Variants in DCLRE1C observed in about 807,000 individuals in gnomAD.
DCLRE1C encodes the protein protein artemis.
Under a neutral mutation model 61.4 loss-of-function variants are expected in DCLRE1C, and 47 were observed. The ratio of observed to expected loss-of-function variants is 0.77; its 90% CI spans 0.61 to 0.98. The LOEUF (loss-of-function observed/expected upper bound fraction) is 0.98, where lower values mean the gene tolerates loss of function less well. DCLRE1C is among the 50% of genes least tolerant of loss of function. The probability of loss-of-function intolerance (pLI) is 0.00; values close to 1 mark genes in which losing one functional copy is unlikely to be tolerated. For synonymous variants in DCLRE1C, 337 were observed against 287.6 expected (o/e 1.17, Z -1.74); for missense variants, 858 against 816.0 (o/e 1.05, Z -0.63).
At chr10:14,946,389 CCACA>C (rs1357146837) in intron 2 of DCLRE1C, among the ~76,000 whole-genome samples, 10 of 152,122 alleles carry the variant, frequency 6.6e-5, no homozygotes, top group Admixed American at 6.6e-4. Flanking sequence ...CCAAAGATGG[CCACA>C]CAATGACATA....
At chr10:14,941,924 A>G (rs1334212608) in intron 3 of DCLRE1C, among the ~76,000 whole-genome samples, 2 of 151,928 alleles carry the variant, frequency 1.3e-5, no homozygotes, top group Admixed American at 6.6e-5. Context: ...TTGATTTCCT[A>G]TTTCTTGCCC....
chr10:14,900,512 T>A (rs1833929969), downstream of DCLRE1C, among the ~76,000 whole-genome samples: 1 of 152,154 alleles, frequency 6.6e-6, no homozygotes, highest in African/African-American at 2.4e-5. Context: ...CATTGAAGAA[T>A]TTTTTTCTTA....
chr10:14,950,747 A>G (rs921868801), intron 1 of DCLRE1C, among the ~76,000 whole-genome samples: 5 of 152,230 alleles, frequency 3.3e-5, no homozygotes, highest in African/African-American at 1.2e-4. Context: ...AGCACCCTGC[A>G]TGGTGCATCA....
Position 14,904,850 on chromosome 10 carries a change from T to G in DCLRE1C, c.*3558A>C, listed in dbSNP as rs1285992232. Among the ~76,000 whole-genome samples, 1 of 152,238 alleles carries G rather than the reference T, an allele frequency of 6.6e-6. No homozygotes were observed. Among genetic ancestry groups the G allele is most frequent in the African/African-American group, 2.4e-5 (1 of 41,480 alleles). On this transcript the variant is annotated 3_prime_UTR_variant, in exon 14 of 14. Coordinates refer to ENST00000378278, the MANE Select transcript of DCLRE1C (RefSeq NM_001033855.3). Reference sequence around the variant, plus strand: ...AATATCAAAGGTAATAGATCCAGTTTAAAAGGTGAATCCACTGTATGTATT... The same window carrying G: ...AATATCAAAGGTAATAGATCCAGTTGAAAAGGTGAATCCACTGTATGTATT...
intron 1 of DCLRE1C, among the ~76,000 whole-genome samples, chr10:14,950,129 T>C (rs1842242788): frequency 6.6e-6 from 1 of 151,782 alleles, no homozygotes; most frequent in Non-Finnish European, 1.5e-5. Context: ...TCACCTGAGG[T>C]TGGGAGTTCG....
chr10:14,916,410 A>G (rs774084035), intron 13 of DCLRE1C, among the ~76,000 whole-genome samples: 6 of 152,362 alleles, frequency 3.9e-5, no homozygotes, highest in South Asian at 2.1e-4. Flanking sequence ...TCAAAAATCA[A>G]TTGCACAGGT....
intron 13 of DCLRE1C, 48 bp downstream of exon 13, chr10:14,919,690 G>A (rs778963191): frequency 4.9e-6 from 7 of 1,419,280 alleles, no homozygotes; most frequent in Non-Finnish European, 6.0e-6. Flanking sequence ...CTGGAAAGCA[G>A]TGTTTGCAGG....
intron 13 of DCLRE1C, among the ~76,000 whole-genome samples, chr10:14,914,051 T>TATCA (rs1201887942): frequency 2.0e-5 from 3 of 152,164 alleles, no homozygotes; most frequent in Non-Finnish European, 2.9e-5. Flanking sequence ...AACCTGACCA[T>TATCA]ATCAATGGGT....
At chr10:14,947,686 T>C (rs1841900803) in intron 2 of DCLRE1C, 1 of 152,252 alleles carries the variant, frequency 6.6e-6, no homozygotes, top group Non-Finnish European at 1.5e-5. Context: ...GGTACAAGTG[T>C]GCAGAGCCTT....
In DCLRE1C at chr10:14,908,654, A is replaced by G. The variant is rs757311550; in HGVS notation, c.1833T>C (p.Asp611=). The stretch of plus-strand genomic sequence containing the variant: ...CTCCAGTACTAGGAACTATTGTCAC[A>G]TCTTTATCTCTGCTTTTCAAATCAG... ...TYSDLKSRDK[D]VTIVPSTGEP... The change falls in exon 14 of 14, where the codon GAT becomes GAC. Residue 611 remains aspartate, a synonymous_variant. Coordinates refer to ENST00000378278, the MANE Select transcript of DCLRE1C (RefSeq NM_001033855.3). The G allele has an allele frequency of 1.2e-6, 2 of 1,614,208 alleles. No individual in the cohort carries two copies. The highest frequency in any genetic ancestry group is 2.2e-5 in the South Asian group (2 of 91,082).
chr10:14,954,401 G>C (rs1485169851), upstream of DCLRE1C: 1 of 337,856 alleles, frequency 3.0e-6, no homozygotes, highest in South Asian at 2.7e-5. Context: ...AGTGGGCTGC[G>C]GAACTGCGCT....
At chr10:14,931,654 T>A (rs942450322) in intron 9 of DCLRE1C, among the ~76,000 whole-genome samples, 1 of 152,102 alleles carries the variant, frequency 6.6e-6, no homozygotes, top group Non-Finnish European at 1.5e-5. Flanking sequence ...CATCAAGACA[T>A]GAAACTATTT....
chr10:14,934,233 C>A, intron 8 of DCLRE1C, 147 bp downstream of exon 8: 1 of 1,186,044 alleles, frequency 8.4e-7, no homozygotes. Flanking sequence ...GAGGCTGAGC[C>A]AGGAGAATTG....
intron 2 of DCLRE1C, among the ~76,000 whole-genome samples, chr10:14,948,785 T>C (rs575595397): frequency 1.3e-5 from 2 of 151,648 alleles, no homozygotes; most frequent in East Asian, 3.9e-4. Context: ...TATATATATA[T>C]ATATATCAAG....
At chr10:14,909,459 A>G (rs2131781502) in intron 13 of DCLRE1C, 129 bp from the exon 14 acceptor site, 1 of 787,254 alleles carries the variant, frequency 1.3e-6, no homozygotes, top group East Asian at 2.7e-5. Flanking sequence ...GGGAAAAGAT[A>G]TTCTTGGGAT....
In DCLRE1C at chr10:14,945,199, A is replaced by G. The variant is rs772500940; in HGVS notation, c.162-10T>C. Reference sequence around the variant, plus strand: ...TAGATAAACCTTCAAGCTGAAAGGAAAAAAGAAAAAAACTTTCAGTACAAT... The same window carrying G: ...TAGATAAACCTTCAAGCTGAAAGGAGAAAAGAAAAAAACTTTCAGTACAAT... On this transcript the variant is annotated splice_polypyrimidine_tract_variant and intron_variant, in intron 2 of 13. Transcript: ENST00000378278. The G allele has an allele frequency of 6.2e-7, 1 of 1,609,710 alleles. No individual in the cohort carries two copies. The highest frequency in any genetic ancestry group is 8.5e-7 in the Non-Finnish European group (1 of 1,177,488).
chr10:14,911,976 G>C (rs73596441), intron 13 of DCLRE1C, among the ~76,000 whole-genome samples: 4 of 152,160 alleles, frequency 2.6e-5, no homozygotes, highest in African/African-American at 7.2e-5. Flanking sequence ...ACATATTGCC[G>C]GAGAGAATGT....
chr10:14,922,052 G>T (rs1320792005), intron 12 of DCLRE1C, among the ~76,000 whole-genome samples: 3 of 152,142 alleles, frequency 2.0e-5, no homozygotes, highest in Non-Finnish European at 2.9e-5. Context: ...CTTTGCACCC[G>T]GCCTCTCCGT....
At chr10:14,902,548 T>G, downstream of DCLRE1C, 1 of 1,344,270 alleles carries the variant, frequency 7.4e-7, no homozygotes, top group Non-Finnish European at 1.0e-6. Context: ...ATTATAATAT[T>G]TTTTTCCTAA....
Sources: allele counts gnomAD v4.1 joint callset (sites outside exome capture counted in the v4.1 genomes callset), GRCh38; gene constraint gnomAD v4.1.1; transcripts MANE v1.5; gene names NCBI Gene and HGNC (gene_info 2026-07-23, HGNC 2026-07-21).